The following LRR1 variants were observed in gnomAD, a reference collection of about 807,000 sequenced individuals.
LRR1 encodes leucine-rich repeat protein 1.
In LRR1, 29 loss-of-function variants were observed where a neutral mutation model predicts 31.6. That is an observed-to-expected ratio of 0.92 (90% confidence interval 0.68 to 1.25). The LOEUF is 1.25. LRR1 is among the 50% of genes most tolerant of loss of function. The pLI, the probability that LRR1 is intolerant of heterozygous loss-of-function variation, is 0.00. For synonymous variants in LRR1, 179 were observed against 181.4 expected, an observed-to-expected ratio of 0.99 and a Z score of 0.10; for missense variants, 485 against 487.2, an observed-to-expected ratio of 1.00 and a Z score of 0.04.
chr14:49,613,106 A>G lies in LRR1; in HGVS notation c.1005-1150A>G, dbSNP rs894049091. Among the ~76,000 whole-genome samples the G allele has an allele frequency of 1.7e-4, 26 of 151,986 alleles. 1 individual carries two copies. The East Asian group carries it at 4.7e-3, about 27-fold the overall frequency. On this transcript the variant is annotated intron_variant, in intron 3 of 3. Coordinates refer to ENST00000298288, the MANE Select transcript of LRR1 (RefSeq NM_152329.4). ...TGTAATCCCAGCACTTTGGGAGGCC[A>G]AGGCGGACAGATCACAAGGTCAGGA...
chr14:49,613,283 G>A (rs930375211), intron 3 of LRR1, among the ~76,000 whole-genome samples: 2 of 150,768 alleles, frequency 1.3e-5, no homozygotes, highest in East Asian at 1.9e-4. Context: ...AGCTTGCAGT[G>A]AGCCGAGATT....
At chr14:49,608,439 TTTTTTTTTG>T (rs1882379201) in intron 3 of LRR1, among the ~76,000 whole-genome samples, 1 of 112,044 alleles carries the variant, frequency 8.9e-6, no homozygotes, top group African/African-American at 3.1e-5. Flanking sequence ...TTTTTTTTTT[TTTTTTTTTG>T]GTCATAGGAC....
At chr14:49,601,768 C>A in intron 1 of LRR1, 2 of 848,628 alleles carry the variant, frequency 2.4e-6, no homozygotes, top group Non-Finnish European at 3.3e-6. Flanking sequence ...ACAGACAGAG[C>A]AGTAACATCC....
At position 49,599,005 on chromosome 14, in the gene LRR1, G is replaced by C; in HGVS notation, c.-16G>C. 1 of 1,599,626 alleles carries C rather than the reference G, an allele frequency of 6.3e-7. No individual in the cohort carries two copies. The highest frequency in any genetic ancestry group is 8.5e-7 in the Non-Finnish European group (1 of 1,172,404). Reference sequence around the variant, plus strand: ...GTTTCAAAGCCAGCTTGACGTGGTTGTGGCCGTTGGGCGAGATGAAGCTAC... The same window carrying C: ...GTTTCAAAGCCAGCTTGACGTGGTTCTGGCCGTTGGGCGAGATGAAGCTAC... On this transcript the variant is annotated 5_prime_UTR_variant, in exon 1 of 4. Coordinates refer to ENST00000298288, the MANE Select transcript of LRR1 (RefSeq NM_152329.4).
In LRR1 at chr14:49,601,433, G is replaced by A. The variant is rs546693463; in HGVS notation, c.184-937G>A. ...TCAATAGTTGTTGAAATCTAAAGCAGATGCAACAGCAATCATTAATTTTTT... is the reference window on the plus strand; with the variant it reads ...TCAATAGTTGTTGAAATCTAAAGCAAATGCAACAGCAATCATTAATTTTTT... On this transcript the variant is annotated intron_variant, in intron 1 of 3. Coordinates refer to ENST00000298288, the MANE Select transcript of LRR1 (RefSeq NM_152329.4). 5.8e-6 allele frequency: 3 copies of A among 517,212 alleles called. No individual in the cohort carries two copies. In the East Asian group the frequency reaches 1.9e-4, roughly 33 times the overall value. 32.0% of individuals were successfully genotyped at this position (517,212 alleles called of 1,614,324 possible).
chr14:49,600,226 A>G, intron 1 of LRR1: 3 of 1,484,798 alleles, frequency 2.0e-6, no homozygotes, highest in Non-Finnish European at 2.8e-6. Flanking sequence ...CCTTTATCTT[A>G]CCCAATGACC....
Position 49,602,456 on chromosome 14 carries a change from CT to C in LRR1, c.271del (p.Cys91ValfsTer2). On this transcript the variant is annotated frameshift_variant, in exon 2 of 4. Transcript: ENST00000298288. LOFTEE classifies it high-confidence loss of function. ...GGTTAAAGGAGCCTCCTGTGGATATCTGTCTAAGTAAGGTATGGTATTAAAA... is the reference window on the plus strand; with the variant it reads ...GGTTAAAGGAGCCTCCTGTGGATATCGTCTAAGTAAGGTATGGTATTAAAA... ...VRLKEPPVDI[C>X]LSKAISSSLK... 6.2e-7 allele frequency: 1 copy of C among 1,612,120 alleles called. No homozygotes were observed. The highest frequency in any genetic ancestry group is 8.5e-7 in the Non-Finnish European group (1 of 1,178,486).
chr14:49,607,907 T>C lies in LRR1; in HGVS notation c.790T>C (p.Phe264Leu), dbSNP rs1211728085. The C allele has an allele frequency of 1.9e-6, 3 of 1,613,148 alleles. No homozygotes were observed. The highest frequency in any genetic ancestry group is 2.5e-6 in the Non-Finnish European group (3 of 1,179,484). Residue 264 changes from phenylalanine (F) to leucine (L), a missense_variant, in exon 3 of 4, where the codon TTT becomes CTT. This residue lies in a region of LRR1 where 210 missense variants were observed against 200.4 expected (regional missense o/e 1.05). Transcript: ENST00000298288. ...LKLDDNELIQ[F>L]PCKIGQLINL... ...ACTTGACGATAATGAATTGATTCAA[T>C]TTCCTTGCAAGATAGGACAACTAAT...
chr14:49,613,808 G>C (rs566675392), intron 3 of LRR1, among the ~76,000 whole-genome samples: 1 of 152,302 alleles, frequency 6.6e-6, no homozygotes, highest in East Asian at 1.9e-4. Context: ...GCGAGACTCT[G>C]TCTCAAAAAG....
chr14:49,600,745 A>C (rs1239756736), intron 1 of LRR1: 8 of 920,708 alleles, frequency 8.7e-6, no homozygotes, highest in Non-Finnish European at 1.1e-5. Flanking sequence ...CTGTCCTCAG[A>C]ATTCTGTAAA....
At chr14:49,603,546 T>TATA in intron 2 of LRR1, 1 of 190,846 alleles carries the variant, frequency 5.2e-6, no homozygotes, top group Non-Finnish European at 9.6e-6. Flanking sequence ...TTTTTTTTTT[T>TATA]TTGAGATGGA....
intron 1 of LRR1, among the ~76,000 whole-genome samples, chr14:49,601,893 T>A (rs1316856591): frequency 6.6e-6 from 1 of 150,948 alleles, no homozygotes; most frequent in South Asian, 2.1e-4. Flanking sequence ...AGCACTTTGG[T>A]AGGCCCAGGC....
chr14:49,602,223 T>G (rs1331235842), intron 1 of LRR1, 147 bp from the exon 2 acceptor site: 1 of 516,972 alleles, frequency 1.9e-6, no homozygotes. Context: ...GATAAAAAGC[T>G]TTAAAACTTA....
At chr14:49,612,453 G>T in intron 3 of LRR1, 1 of 1,210,158 alleles carries the variant, frequency 8.3e-7, no homozygotes, top group Non-Finnish European at 1.1e-6. Flanking sequence ...TTTAACTGTT[G>T]TCTGTTTCCT....
intron 2 of LRR1, among the ~76,000 whole-genome samples, chr14:49,606,033 C>CTTTTTTTTTTT: frequency 8.0e-6 from 1 of 124,470 alleles, no homozygotes; most frequent in Non-Finnish European, 1.7e-5. Context: ...TTTTTTTTTT[C>CTTTTTTTTTTT]TTTTTTTTTT....
intron 2 of LRR1, among the ~76,000 whole-genome samples, chr14:49,602,785 C>T (rs2139535848): frequency 6.6e-6 from 1 of 152,232 alleles, no homozygotes; most frequent in South Asian, 2.1e-4. Flanking sequence ...AAGCATGAGC[C>T]ACCATACTTG....
At chr14:49,603,189 T>C (rs1033629765) in intron 2 of LRR1, among the ~76,000 whole-genome samples, 4 of 148,888 alleles carry the variant, frequency 2.7e-5, no homozygotes, top group African/African-American at 7.5e-5. Flanking sequence ...CATTCTGCTA[T>C]CCCATATAGC....
intron 3 of LRR1, chr14:49,612,434 AAT>A: frequency 8.4e-7 from 1 of 1,188,438 alleles, no homozygotes. Flanking sequence ...TCAGATAGAA[AAT>A]ACAGTTTTTA....
intron 3 of LRR1, chr14:49,612,621 A>G (rs1487047349): frequency 9.4e-7 from 1 of 1,061,736 alleles, no homozygotes; most frequent in African/African-American, 1.7e-5. Context: ...ATCCCGTACC[A>G]AAGGTAACCG....
Sources: allele counts gnomAD v4.1 joint callset (sites outside exome capture counted in the v4.1 genomes callset), GRCh38; gene constraint gnomAD v4.1.1; regional missense constraint gnomAD v4.1.1; transcripts MANE v1.5; gene names NCBI Gene and HGNC (gene_info 2026-07-23, HGNC 2026-07-21).